Variants in RASAL2 observed in about 807,000 individuals in gnomAD.
The protein encoded by RASAL2 is ras GTPase-activating protein nGAP.
A neutral mutation model predicts 128.9 loss-of-function variants in RASAL2; 58 were observed. That is an observed-to-expected ratio of 0.45 (90% CI 0.36 to 0.56). RASAL2 has a LOEUF of 0.56. Ranked by LOEUF, RASAL2 falls within the 20% of genes least tolerant of loss-of-function variation. The pLI is 0.00. For missense variants in RASAL2, 1,360 were observed against 1,601.6 expected (o/e 0.85, Z 2.57); for synonymous variants, 561 against 580.8 (o/e 0.97, Z 0.49).
At chr1:178,362,122 C>T (rs1671151374) in intron 3 of RASAL2, among the ~76,000 whole-genome samples, 1 of 152,104 alleles carries the variant, frequency 6.6e-6, no homozygotes, top group South Asian at 2.1e-4. Context: ...GTTGGGGACC[C>T]CTGCCCTAAG....
intron 3 of RASAL2, among the ~76,000 whole-genome samples, chr1:178,345,896 C>T (rs540480755): frequency 4.6e-5 from 7 of 152,204 alleles, no homozygotes; most frequent in Non-Finnish European, 1.0e-4. Flanking sequence ...GAGCTCATTT[C>T]GAAGAGTGTG....
chr1:178,191,394 G>T (rs1270566105), intron 1 of RASAL2, among the ~76,000 whole-genome samples: 1 of 151,670 alleles, frequency 6.6e-6, no homozygotes, highest in Non-Finnish European at 1.5e-5. Context: ...TTAAAATTTA[G>T]ATTCAACAGA....
At chr1:178,115,723 G>T (rs1659500609) in intron 1 of RASAL2, among the ~76,000 whole-genome samples, 1 of 152,244 alleles carries the variant, frequency 6.6e-6, no homozygotes, top group Non-Finnish European at 1.5e-5. Context: ...TGGTTGTGGT[G>T]TAGAAAATAG....
At chr1:178,331,164 C>T (rs915865542) in intron 3 of RASAL2, among the ~76,000 whole-genome samples, 12 of 152,156 alleles carry the variant, frequency 7.9e-5, no homozygotes, top group Admixed American at 7.9e-4. Context: ...GCAAAAGAGG[C>T]AGAGTTCTGT....
chr1:178,331,583 CTTTTTTTT>C (rs71731643), intron 3 of RASAL2, among the ~76,000 whole-genome samples: 2 of 110,216 alleles, frequency 1.8e-5, no homozygotes, highest in East Asian at 2.7e-4. Flanking sequence ...CTTCATGCAT[CTTTTTTTT>C]TTTTTTTTTT....
intron 3 of RASAL2, 78 bp downstream of exon 3, chr1:178,300,196 C>A: frequency 7.0e-7 from 1 of 1,437,954 alleles, no homozygotes; most frequent in Admixed American, 2.3e-5. Context: ...TAAAACAGAA[C>A]ATCCTGCATT....
rs1470882377 is a variant in RASAL2 at position 178,454,570 on chromosome 1, T to G, written c.2133T>G (p.Phe711Leu). ...ACACCATCTCAAACACCCCAGGCTTTGATGGTTACATTGATCTGGGCCGAG... is the reference window on the plus strand; with the variant it reads ...ACACCATCTCAAACACCCCAGGCTTGGATGGTTACATTGATCTGGGCCGAG... Reference protein sequence around the residue: ...NPDTISNTPGFDGYIDLGREL... With the variant: ...NPDTISNTPGLDGYIDLGREL... The change falls in exon 12 of 18, where the codon TTT (phenylalanine) becomes TTG (leucine). Residue 711 changes from phenylalanine (F) to leucine (L), a missense_variant. This residue lies in a region of RASAL2 where 741 missense variants were observed against 868.6 expected (regional missense o/e 0.85). Coordinates refer to ENST00000367649, the MANE Select transcript of RASAL2 (RefSeq NM_170692.4). The G allele has an allele frequency of 5.6e-6, 9 of 1,613,872 alleles. No individual in the cohort carries two copies. Among genetic ancestry groups the G allele is most frequent in the East Asian group, 2.2e-5 (1 of 44,880 alleles).
intron 4 of RASAL2, among the ~76,000 whole-genome samples, chr1:178,411,362 G>T (rs1674372469): frequency 6.6e-6 from 1 of 152,122 alleles, no homozygotes; most frequent in Admixed American, 6.5e-5. Flanking sequence ...GGACACAAAG[G>T]CATAAGAATG....
chr1:178,168,343 T>C (rs1327373634), intron 1 of RASAL2, among the ~76,000 whole-genome samples: 1 of 151,766 alleles, frequency 6.6e-6, no homozygotes, highest in Non-Finnish European at 1.5e-5. Flanking sequence ...ATATATTATA[T>C]GAAGATGTAG....
intron 1 of RASAL2, among the ~76,000 whole-genome samples, chr1:178,210,452 A>G (rs1663212494): frequency 6.6e-6 from 1 of 152,214 alleles, no homozygotes; most frequent in Non-Finnish European, 1.5e-5. Context: ...ACATTATACG[A>G]AATTATAGTC....
chr1:178,238,975 C>T (rs1372734402), intron 1 of RASAL2, among the ~76,000 whole-genome samples: 1 of 152,010 alleles, frequency 6.6e-6, no homozygotes. Flanking sequence ...CTTATGAGTA[C>T]ACAGGTTCTT....
intron 3 of RASAL2, among the ~76,000 whole-genome samples, chr1:178,380,545 G>A (rs1672226109): frequency 6.6e-6 from 1 of 152,126 alleles, no homozygotes; most frequent in Non-Finnish European, 1.5e-5. Flanking sequence ...GTACCTAATA[G>A]AGTCATGATT....
chr1:178,218,286 ATC>A (rs1202338143), intron 1 of RASAL2, among the ~76,000 whole-genome samples: 3 of 152,226 alleles, frequency 2.0e-5, no homozygotes, highest in African/African-American at 7.2e-5. Flanking sequence ...CTACTTGTGT[ATC>A]TCTATCAGAG....
chr1:178,346,554 C>G (rs1488969392), intron 3 of RASAL2, among the ~76,000 whole-genome samples: 1 of 152,126 alleles, frequency 6.6e-6, no homozygotes, highest in Non-Finnish European at 1.5e-5. Flanking sequence ...TGAGTAGCAT[C>G]ATTTACTTGC....
intron 16 of RASAL2, among the ~76,000 whole-genome samples, chr1:178,466,631 G>C (rs1647730567): frequency 6.6e-6 from 1 of 152,160 alleles, no homozygotes; most frequent in South Asian, 2.1e-4. Context: ...CTTTATCACA[G>C]CCTCCACCTA....
At chr1:178,276,145 A>G (rs1666500115) in intron 1 of RASAL2, among the ~76,000 whole-genome samples, 1 of 152,190 alleles carries the variant, frequency 6.6e-6, no homozygotes, top group Non-Finnish European at 1.5e-5. Flanking sequence ...TGTATGAACT[A>G]TAATATAATT....
chr1:178,465,780 C>T (rs1286028804), intron 15 of RASAL2, 140 bp from the exon 16 acceptor site: 4 of 724,230 alleles, frequency 5.5e-6, no homozygotes, highest in African/African-American at 3.7e-5. Flanking sequence ...CATCTAGCTA[C>T]ACTGCTTAGG....
chr1:178,369,087 G>C, intron 3 of RASAL2, among the ~76,000 whole-genome samples: 1 of 152,218 alleles, frequency 6.6e-6, no homozygotes, highest in Admixed American at 6.5e-5. Context: ...TATAAAAAGA[G>C]GAAAACAGTG....
rs569234479 is a variant in RASAL2 at position 178,234,484 on chromosome 1, T to C, written c.203-49080T>C. 3.3e-5 allele frequency among the ~76,000 whole-genome samples: 5 copies of C among 152,328 alleles called. No individual in the cohort carries two copies. The South Asian group carries it at 1.0e-3, about 32-fold the overall frequency. On this transcript the variant is annotated intron_variant, in intron 1 of 17. Coordinates refer to ENST00000367649, the MANE Select transcript of RASAL2 (RefSeq NM_170692.4). ...GTTTGATTCATTTAAGACAATAGAA[T>C]TGTCAAATTTTTAAAAATCTTATTT... is the stretch of plus-strand genomic sequence containing the variant.
Sources: allele counts gnomAD v4.1 joint callset (sites outside exome capture counted in the v4.1 genomes callset), GRCh38; gene constraint gnomAD v4.1.1; regional missense constraint gnomAD v4.1.1; transcripts MANE v1.5; gene names NCBI Gene and HGNC (gene_info 2026-07-23, HGNC 2026-07-21).